The following RASSF3 variants were observed in gnomAD, a reference collection of about 807,000 sequenced individuals.
RASSF3 encodes the protein Ras association domain family member 3.
Under a neutral mutation model 19.9 loss-of-function variants are expected in RASSF3, and 19 were observed. The observed-to-expected ratio is 0.96, with a 90% confidence interval of 0.67 to 1.40. The LOEUF (loss-of-function observed/expected upper bound fraction) is 1.40. Ranked by LOEUF, RASSF3 falls within the 40% of genes most tolerant of loss-of-function variation. RASSF3 has a pLI of 0.00. For missense variants in RASSF3, 306 were observed against 289.8 expected (o/e 1.06, Z -0.41); for synonymous variants, 110 against 104.2 (o/e 1.06, Z -0.34).
intron 1 of RASSF3, among the ~76,000 whole-genome samples, chr12:64,538,466 A>G (rs539642120): frequency 1.3e-5 from 2 of 152,206 alleles, no homozygotes; most frequent in Non-Finnish European, 2.9e-5. Context: ...GACTCAGCCC[A>G]TAACACTAGT....
At chr12:64,666,704 T>C (rs1872547015) in intron 1 of RASSF3, among the ~76,000 whole-genome samples, 1 of 152,082 alleles carries the variant, frequency 6.6e-6, no homozygotes, top group Admixed American at 6.6e-5. Flanking sequence ...TTGGCAGTGC[T>C]CCCTTCCTTA....
At chr12:64,611,086 G>T (rs1870341943) in intron 1 of RASSF3, among the ~76,000 whole-genome samples, 1 of 152,160 alleles carries the variant, frequency 6.6e-6, no homozygotes, top group East Asian at 1.9e-4. Context: ...TTTCCCCTTC[G>T]CGTCCCCGCT....
chr12:64,579,897 C>G (rs1256005908), intron 2 of RASSF3, among the ~76,000 whole-genome samples: 1 of 151,188 alleles, frequency 6.6e-6, no homozygotes, highest in Non-Finnish European at 1.5e-5. Flanking sequence ...TCACTGCAAC[C>G]TCTGCCTTCT....
intron 1 of RASSF3, among the ~76,000 whole-genome samples, chr12:64,515,860 C>G (rs1390880488): frequency 2.6e-5 from 4 of 152,062 alleles, no homozygotes; most frequent in Non-Finnish European, 5.9e-5. Flanking sequence ...CTCACTAGGG[C>G]CTTTCAAGCT....
At chr12:64,661,079 G>A (rs950730164) in intron 1 of RASSF3, among the ~76,000 whole-genome samples, 1 of 152,218 alleles carries the variant, frequency 6.6e-6, no homozygotes, top group Non-Finnish European at 1.5e-5. Flanking sequence ...GAGCCCTAGT[G>A]CTGGAGGCAT....
chr12:64,641,397 CA>C (rs1871512133), intron 1 of RASSF3, among the ~76,000 whole-genome samples: 1 of 144,242 alleles, frequency 6.9e-6, no homozygotes, highest in Non-Finnish European at 1.5e-5. Context: ...CCCTGTCTCA[CA>C]GGCGCACACA....
intron 2 of RASSF3, among the ~76,000 whole-genome samples, chr12:64,596,598 A>G (rs1870002373): frequency 6.6e-6 from 1 of 151,996 alleles, no homozygotes. Context: ...TGTTTGTCTG[A>G]TCCTTCCCAG....
At chr12:64,508,755 A>G (rs990626076) in intron 1 of RASSF3, among the ~76,000 whole-genome samples, 5 of 151,694 alleles carry the variant, frequency 3.3e-5, no homozygotes, top group Admixed American at 6.6e-5. Context: ...GTGGTAGCAC[A>G]TGCCTGTAAT....
chr12:64,568,744 C>G (rs1000031977), intron 2 of RASSF3, among the ~76,000 whole-genome samples: 10 of 151,686 alleles, frequency 6.6e-5, no homozygotes, highest in African/African-American at 2.4e-4. Context: ...GAGTCTCACT[C>G]TGTCACCCAG....
At chr12:64,662,927 G>A (rs879630646) in intron 1 of RASSF3, among the ~76,000 whole-genome samples, 1 of 152,136 alleles carries the variant, frequency 6.6e-6, no homozygotes, top group African/African-American at 2.4e-5. Context: ...CTCAGGGGGA[G>A]ATGTCTTTGG....
chr12:64,659,439 G>A (rs1016507211), intron 1 of RASSF3, among the ~76,000 whole-genome samples: 2 of 152,130 alleles, frequency 1.3e-5, no homozygotes, highest in Admixed American at 6.6e-5. Flanking sequence ...GAATTCCGAG[G>A]CGGTCTGAGC....
chr12:64,682,989 G>A (rs1020633691), intron 1 of RASSF3, among the ~76,000 whole-genome samples: 2 of 152,222 alleles, frequency 1.3e-5, no homozygotes, highest in African/African-American at 4.8e-5. Flanking sequence ...AGAAGACCTG[G>A]ATTAAAGTGG....
intron 2 of RASSF3, among the ~76,000 whole-genome samples, chr12:64,594,252 T>G (rs955181861): frequency 6.6e-6 from 1 of 151,996 alleles, no homozygotes; most frequent in Non-Finnish European, 1.5e-5. Context: ...AAGGATTGCT[T>G]GAGCCCAGGA....
intron 1 of RASSF3, chr12:64,654,653 G>GGGC (rs1555214603): frequency 2.6e-5 from 2 of 75,540 alleles, no homozygotes; most frequent in East Asian, 7.3e-4. Flanking sequence ...CGGGGGGGGG[G>GGGC]GGGTGGGGGG....
intron 2 of RASSF3, among the ~76,000 whole-genome samples, chr12:64,587,157 C>T (rs1008735287): frequency 2.1e-5 from 3 of 143,912 alleles, no homozygotes; most frequent in South Asian, 2.2e-4. Flanking sequence ...AGGGTTCAAG[C>T]GATTCTCCTG....
At chr12:64,656,466 G>C (rs953833160) in intron 1 of RASSF3, among the ~76,000 whole-genome samples, 1 of 152,158 alleles carries the variant, frequency 6.6e-6, no homozygotes, top group African/African-American at 2.4e-5. Context: ...CTTAAAAAAT[G>C]CTGTTAATGA....
intron 1 of RASSF3, among the ~76,000 whole-genome samples, chr12:64,682,562 G>A (rs751107481): frequency 3.8e-4 from 54 of 143,288 alleles, no homozygotes; most frequent in Admixed American, 7.7e-4. Flanking sequence ...GCAAGACTCC[G>A]TCTCAAAAAA....
chr12:64,594,072 C>T (rs1472378272), intron 2 of RASSF3, among the ~76,000 whole-genome samples: 2 of 150,348 alleles, frequency 1.3e-5, no homozygotes, highest in African/African-American at 4.9e-5. Flanking sequence ...GTAGCTCACA[C>T]CTGTGATCAT....
In RASSF3 at chr12:64,690,924, G is replaced by A. The variant is rs530457837; in HGVS notation, c.458-546G>A. ...TGCCCAGGCAGGAGCGCAATGGCAC[G>A]ATCTCGGCTCACTCCAACCTCCACC... On this transcript the variant is annotated intron_variant, in intron 3 of 4. Coordinates refer to ENST00000542104, the MANE Select transcript of RASSF3 (RefSeq NM_178169.4). Among the ~76,000 whole-genome samples, 5 of 151,694 alleles carry A rather than the reference G, an allele frequency of 3.3e-5. No homozygotes were observed. In the East Asian group the frequency reaches 7.8e-4, roughly 24 times the overall value.
Sources: gnomAD v4.1 joint callset for allele counts (sites outside exome capture counted in the v4.1 genomes callset) on GRCh38, gnomAD v4.1.1 for gene constraint, MANE v1.5 for transcripts, NCBI Gene and HGNC (gene_info 2026-07-23, HGNC 2026-07-21) for gene names.